Variants in DYNC1I1 observed in about 807,000 individuals in gnomAD.
The protein encoded by DYNC1I1 is dynein cytoplasmic 1 intermediate chain 1.
In DYNC1I1, 43 loss-of-function variants were observed where a neutral mutation model predicts 86.6. The ratio of observed to expected loss-of-function variants is 0.50; its 90% CI spans 0.39 to 0.64. The LOEUF is 0.64. DYNC1I1 is among the 30% of genes least tolerant of loss of function. DYNC1I1 has a pLI of 0.00. For missense variants in DYNC1I1, 604 were observed against 788.8 expected, an observed-to-expected ratio of 0.77 and a Z score of 2.81; for synonymous variants, 262 against 283.7, an observed-to-expected ratio of 0.92 and a Z score of 0.77.
At chr7:96,005,988 C>T (rs1204951031) in intron 10 of DYNC1I1, among the ~76,000 whole-genome samples, 3 of 152,140 alleles carry the variant, frequency 2.0e-5, no homozygotes, top group Non-Finnish European at 4.4e-5. Context: ...ATGTGCTTCT[C>T]TGGCAGCAAG....
intron 9 of DYNC1I1, among the ~76,000 whole-genome samples, chr7:95,993,602 G>T (rs745520542): frequency 6.6e-6 from 1 of 152,086 alleles, no homozygotes; most frequent in Non-Finnish European, 1.5e-5. Flanking sequence ...TGATTCATCC[G>T]CTGCAGAGTG....
intron 5 of DYNC1I1, among the ~76,000 whole-genome samples, chr7:95,861,821 A>G (rs1789888630): frequency 6.6e-6 from 1 of 152,212 alleles, no homozygotes; most frequent in South Asian, 2.1e-4. Context: ...GGAAACTTGC[A>G]GGTGATGGGG....
At chr7:96,011,069 TG>T (rs1427360073) in intron 10 of DYNC1I1, among the ~76,000 whole-genome samples, 1 of 152,220 alleles carries the variant, frequency 6.6e-6, no homozygotes, top group Non-Finnish European at 1.5e-5. Context: ...TTTTATTTTT[TG>T]CCTTTCTACC....
chr7:96,066,600 T>C (rs1789998647), intron 14 of DYNC1I1, among the ~76,000 whole-genome samples: 1 of 152,214 alleles, frequency 6.6e-6, no homozygotes, highest in Non-Finnish European at 1.5e-5. Context: ...GTTTTCCCTT[T>C]TGTCTTAGTT....
intron 7 of DYNC1I1, among the ~76,000 whole-genome samples, chr7:95,983,931 A>G (rs1793518435): frequency 1.3e-5 from 2 of 152,150 alleles, no homozygotes; most frequent in African/African-American, 4.8e-5. Context: ...AGAACCACAA[A>G]GGTTCAGCTG....
intron 6 of DYNC1I1, among the ~76,000 whole-genome samples, chr7:95,910,074 T>C (rs1001896704): frequency 6.6e-6 from 1 of 152,210 alleles, no homozygotes; most frequent in African/African-American, 2.4e-5. Context: ...CCCCACCTTG[T>C]CACCCCTATA....
chr7:95,881,712 G>A (rs1790459992), intron 6 of DYNC1I1, among the ~76,000 whole-genome samples: 1 of 152,188 alleles, frequency 6.6e-6, no homozygotes, highest in African/African-American at 2.4e-5. Flanking sequence ...TGAGCCGATG[G>A]CTCAAAGCAA....
rs1788969634 is a variant in DYNC1I1, at chr7:96,039,431, T to A, written c.1509+10T>A. The A allele has an allele frequency of 6.2e-7, 1 of 1,613,736 alleles. No individual in the cohort carries two copies. The highest frequency in any genetic ancestry group is 1.7e-5 in the Admixed American group (1 of 59,962). ...ACTGTGGACCACCAAGGTAAGAATA[T>A]CTTGACTGAAATTCTCAGATAATAC... On this transcript the variant is annotated intron_variant, in intron 14 of 16. Coordinates refer to ENST00000447467, the MANE Select transcript of DYNC1I1 (RefSeq NM_001135556.2).
chr7:95,910,896 CCAT>C (rs1405464822), intron 6 of DYNC1I1, among the ~76,000 whole-genome samples: 1 of 152,142 alleles, frequency 6.6e-6, no homozygotes, highest in Admixed American at 6.5e-5. Flanking sequence ...GTAATATTGG[CCAT>C]CATCATCTTT....
intron 1 of DYNC1I1, among the ~76,000 whole-genome samples, chr7:95,775,599 T>C (rs1162499289): frequency 2.0e-5 from 3 of 152,218 alleles, no homozygotes. Context: ...GCCGCACTTT[T>C]TGCCAGTTGA....
intron 6 of DYNC1I1, among the ~76,000 whole-genome samples, chr7:95,883,546 A>T (rs1252199920): frequency 1.3e-5 from 2 of 152,190 alleles, no homozygotes; most frequent in Non-Finnish European, 1.5e-5. Flanking sequence ...TGAAATTTTA[A>T]AATTCTAAAA....
chr7:95,805,141 AC>A (rs1418060549), intron 2 of DYNC1I1, among the ~76,000 whole-genome samples: 2 of 152,022 alleles, frequency 1.3e-5, no homozygotes, highest in Non-Finnish European at 2.9e-5. Context: ...AAACTTCTTA[AC>A]CTTTCTGTGC....
At chr7:95,877,030 A>G (rs1465089909) in intron 6 of DYNC1I1, among the ~76,000 whole-genome samples, 1 of 152,202 alleles carries the variant, frequency 6.6e-6, no homozygotes, top group African/African-American at 2.4e-5. Context: ...TTTGAACCAT[A>G]CTCCATTCCC....
chr7:96,057,980 C>T (rs1162538408), intron 14 of DYNC1I1, among the ~76,000 whole-genome samples: 2 of 152,144 alleles, frequency 1.3e-5, no homozygotes, highest in African/African-American at 2.4e-5. Flanking sequence ...CAGTCCATTC[C>T]TTATTGATGT....
intron 5 of DYNC1I1, among the ~76,000 whole-genome samples, chr7:95,844,987 A>G (rs1789388010): frequency 6.6e-6 from 1 of 152,210 alleles, no homozygotes; most frequent in African/African-American, 2.4e-5. Context: ...TTAAACTATA[A>G]GCTAAATTTA....
chr7:95,888,861 G>T (rs1460048421), intron 6 of DYNC1I1, among the ~76,000 whole-genome samples: 1 of 152,088 alleles, frequency 6.6e-6, no homozygotes, highest in Non-Finnish European at 1.5e-5. Flanking sequence ...TGTAATTCTA[G>T]AATGTAAGAG....
chr7:96,032,720 C>G lies in DYNC1I1; in HGVS notation c.1170C>G (p.Ile390Met). The G allele has an allele frequency of 6.2e-7, 1 of 1,613,794 alleles. No homozygotes were observed. Among genetic ancestry groups the G allele is most frequent in the South Asian group, 1.1e-5 (1 of 91,062 alleles). Residue 390 changes from isoleucine (I) to methionine (M), a missense_variant, in exon 12 of 17, where the codon ATC (isoleucine) becomes ATG (methionine). Physicochemically the swap from Ile to Met is conservative, Grantham distance 10 (BLOSUM62 1). Transcript: ENST00000447467. The stretch of plus-strand genomic sequence containing the variant: ...GGACCCAGAATGCTCATAACCTCAT[C>G]ACTGTCTCCACTGATGGCAAAATGT... ...VVGTQNAHNL[I>M]TVSTDGKMCS...
At chr7:95,897,867 AAAT>A (rs1790928136) in intron 6 of DYNC1I1, among the ~76,000 whole-genome samples, 1 of 152,156 alleles carries the variant, frequency 6.6e-6, no homozygotes, top group Non-Finnish European at 1.5e-5. Flanking sequence ...GGTCACACCA[AAAT>A]ACTGGGCTCC....
intron 6 of DYNC1I1, among the ~76,000 whole-genome samples, chr7:95,947,461 C>T (rs1247293290): frequency 1.3e-5 from 2 of 152,158 alleles, no homozygotes; most frequent in African/African-American, 4.8e-5. Flanking sequence ...TCCACCTCCA[C>T]TTACCTTTCT....
Sources: allele counts gnomAD v4.1 joint callset (sites outside exome capture counted in the v4.1 genomes callset), GRCh38; gene constraint gnomAD v4.1.1; transcripts MANE v1.5; gene names NCBI Gene and HGNC (gene_info 2026-07-23, HGNC 2026-07-21).